The following SATL1 variants were observed in gnomAD, a reference collection of about 807,000 sequenced individuals.
The protein encoded by SATL1 is spermidine/spermine N1-acetyl transferase like 1.
Under a neutral mutation model 51.8 loss-of-function variants are expected in SATL1, and 47 were observed. That is an observed-to-expected ratio of 0.91 (90% CI 0.72 to 1.16). The LOEUF is 1.16. SATL1 is among the 50% of genes most tolerant of loss of function. The pLI, the probability that SATL1 is intolerant of heterozygous loss-of-function variation, is 0.00. For missense variants in SATL1, 520 were observed against 526.4 expected, an observed-to-expected ratio of 0.99 and a Z score of 0.12; for synonymous variants, 176 against 182.4, an observed-to-expected ratio of 0.97 and a Z score of 0.28.
chrX:85,144,469 G>A (rs1391193083), intron 2 of SATL1, among the ~76,000 whole-genome samples: 1 of 111,503 alleles, frequency 9.0e-6, no homozygotes, highest in Non-Finnish European at 1.9e-5. Context: ...AGAGACCTGG[G>A]ATTCAGACAA....
chrX:85,112,347 G>A (rs866878237), intron 2 of SATL1, among the ~76,000 whole-genome samples: 5 of 104,925 alleles, frequency 4.8e-5, no homozygotes, highest in African/African-American at 1.7e-4. Context: ...ATCAGACTCT[G>A]TCTCAAAAAA....
At chrX:85,212,007 G>A (rs1489484780) in intron 2 of SATL1, 2 of 111,230 alleles carry the variant, frequency 1.8e-5, no homozygotes, top group Non-Finnish European at 3.8e-5. Context: ...AAATCAATGT[G>A]CAGAATCTCT....
At chrX:85,128,095 C>T (rs1925674267) in intron 2 of SATL1, among the ~76,000 whole-genome samples, 1 of 111,483 alleles carries the variant, frequency 9.0e-6, no homozygotes, top group South Asian at 3.8e-4. Context: ...TGAATAGTGC[C>T]ACAATAAACA....
At chrX:85,210,958 T>C (rs2147755545) in intron 2 of SATL1, 1 of 111,676 alleles carries the variant, frequency 9.0e-6, no homozygotes, top group African/African-American at 3.2e-5. Flanking sequence ...TTTCATATAA[T>C]ACTTAACCTC....
At chrX:85,206,138 G>A (rs1248492266) in intron 2 of SATL1, among the ~76,000 whole-genome samples, 1 of 111,923 alleles carries the variant, frequency 8.9e-6, no homozygotes, top group African/African-American at 3.2e-5. Context: ...AGAAATCCAA[G>A]TGGAAATAGT....
rs780525231 is a variant in SATL1 at position 85,108,624 on chromosome X, G to C, written c.345C>G (p.Ser115Arg). Residue 115 changes from serine to arginine, a missense_variant, in exon 3 of 8, where the codon AGC (serine) becomes AGG (arginine). Physicochemically the swap from Ser to Arg is moderately radical, Grantham distance 110. Transcript: ENST00000644105. Reference protein sequence around the residue: ...SQPDPSQPGPSQSGPSQSRMR... With the variant: ...SQPDPSQPGPRQSGPSQSRMR... ...TGCGTGATTGGCTGGGGCCTGATTG[G>C]CTTGGGCCTGGTTGCGATGGGTCTG... 1 of 1,202,305 alleles carries C rather than the reference G, an allele frequency of 8.3e-7. No individual in the cohort carries two copies. Among genetic ancestry groups the C allele is most frequent in the Non-Finnish European group, 1.1e-6 (1 of 890,706 alleles).
At chrX:85,198,069 G>A (rs1298043858) in intron 2 of SATL1, among the ~76,000 whole-genome samples, 1 of 111,457 alleles carries the variant, frequency 9.0e-6, no homozygotes, top group Non-Finnish European at 1.9e-5. Context: ...CCACAAATAA[G>A]TGAGAACATG....
chrX:85,143,608 G>T (rs1383296529), intron 2 of SATL1: 2 of 111,319 alleles, frequency 1.8e-5, no homozygotes, highest in Non-Finnish European at 3.8e-5. Flanking sequence ...TAAGGCTAAG[G>T]AACTAGACAG....
intron 2 of SATL1, among the ~76,000 whole-genome samples, chrX:85,184,709 A>T (rs750366969): frequency 2.7e-5 from 3 of 111,909 alleles, no homozygotes; most frequent in Middle Eastern, 4.6e-3. Flanking sequence ...ATCTTATCTG[A>T]TAGGAATATG....
intron 2 of SATL1, among the ~76,000 whole-genome samples, chrX:85,149,784 A>G (rs1926371328): frequency 8.9e-6 from 1 of 111,918 alleles, no homozygotes; most frequent in African/African-American, 3.3e-5. Flanking sequence ...AAGACACAAC[A>G]TACCAGAATC....
chrX:85,100,111 C>G (rs1242566115), intron 4 of SATL1, among the ~76,000 whole-genome samples: 1 of 111,936 alleles, frequency 8.9e-6, no homozygotes, highest in Non-Finnish European at 1.9e-5. Flanking sequence ...GAGGCAGAGG[C>G]AGGAGAATTG....
At chrX:85,148,712 A>G (rs1356730363) in intron 2 of SATL1, among the ~76,000 whole-genome samples, 1 of 111,581 alleles carries the variant, frequency 9.0e-6, no homozygotes, top group Non-Finnish European at 1.9e-5. Context: ...ATGCAGCCAA[A>G]CTAAGCTTCA....
rs896018788 is a variant in SATL1 at position 85,201,440 on chromosome X, A to G, written c.-313+22765T>C. Among the ~76,000 whole-genome samples the G allele has an allele frequency of 2.7e-5, 3 of 110,675 alleles. No individual in the cohort carries two copies. In the Admixed American group the frequency reaches 2.9e-4, roughly 11 times the overall value. On this transcript the variant is annotated intron_variant, in intron 2 of 7. Coordinates refer to ENST00000644105, the MANE Select transcript of SATL1 (RefSeq NM_001367857.2). ...AGTTATGCTTTCAATGAGTTATTTT[A>G]ACTCCATTTATATATACTTTCTTTT... is the stretch of plus-strand genomic sequence containing the variant.
At chrX:85,218,517 G>A (rs1018363954) in intron 2 of SATL1, among the ~76,000 whole-genome samples, 2 of 111,432 alleles carry the variant, frequency 1.8e-5, no homozygotes, top group Non-Finnish European at 3.8e-5. Flanking sequence ...ATTCTATGCC[G>A]AGACGAAACT....
intron 2 of SATL1, among the ~76,000 whole-genome samples, chrX:85,145,486 T>G (rs978066972): frequency 1.8e-5 from 2 of 111,849 alleles, no homozygotes; most frequent in African/African-American, 6.5e-5. Context: ...CTAGGCTAAA[T>G]GAGAAATATA....
At chrX:85,128,348 G>C (rs186975006) in intron 2 of SATL1, among the ~76,000 whole-genome samples, 30 of 111,830 alleles carry the variant, frequency 2.7e-4, no homozygotes, top group African/African-American at 9.8e-4. Context: ...TCTAACTGGC[G>C]TGAGATGGTA....
chrX:85,200,911 A>C (rs1297232849), intron 2 of SATL1, among the ~76,000 whole-genome samples: 1 of 111,059 alleles, frequency 9.0e-6, no homozygotes, highest in Non-Finnish European at 1.9e-5. Context: ...ATAAAAACTT[A>C]AAACATATGG....
intron 4 of SATL1, among the ~76,000 whole-genome samples, chrX:85,101,242 G>A (rs1009221162): frequency 8.9e-6 from 1 of 112,051 alleles, no homozygotes; most frequent in African/African-American, 3.2e-5. Context: ...GCAATATCAA[G>A]AGTAAAAAGG....
At chrX:85,188,907 G>GA (rs1927375264) in intron 2 of SATL1, among the ~76,000 whole-genome samples, 1 of 111,348 alleles carries the variant, frequency 9.0e-6, no homozygotes, top group Non-Finnish European at 1.9e-5. Flanking sequence ...TTCTCATACT[G>GA]AATTAAAGAC....
Sources: gnomAD v4.1 joint callset for allele counts (sites outside exome capture counted in the v4.1 genomes callset) on GRCh38, gnomAD v4.1.1 for gene constraint, MANE v1.5 for transcripts, NCBI Gene and HGNC (gene_info 2026-07-23, HGNC 2026-07-21) for gene names.